AVEN: variants seen among roughly 807,000 people sequenced by gnomAD.
The protein encoded by AVEN is cell death regulator Aven.
A neutral mutation model predicts 38.1 loss-of-function variants in AVEN; 41 were observed. That is an observed-to-expected ratio of 1.08 (90% CI 0.84 to 1.40). The LOEUF (loss-of-function observed/expected upper bound fraction) is 1.40. Ranked by LOEUF, AVEN falls within the 40% of genes most tolerant of loss-of-function variation. The probability of loss-of-function intolerance (pLI) is 0.00; values close to 1 mark genes in which losing one functional copy is unlikely to be tolerated. For synonymous variants in AVEN, 206 were observed against 171.8 expected (o/e 1.20, Z -1.56); for missense variants, 605 against 438.8 (o/e 1.38, Z -3.38).
At chr15:33,868,173 T>C (rs1349253485) in intron 4 of AVEN, among the ~76,000 whole-genome samples, 2 of 152,106 alleles carry the variant, frequency 1.3e-5, no homozygotes, top group African/African-American at 4.8e-5. Flanking sequence ...GCCAGTACCA[T>C]AGGTCTATTT....
At chr15:33,900,627 C>CAAAA (rs34818160) in intron 2 of AVEN, among the ~76,000 whole-genome samples, 7,999 of 148,376 alleles carry the variant, frequency 0.054, 221 homozygotes, top group Non-Finnish European at 0.06. Context: ...TTTTTAAATA[C>CAAAA]AAAAAAAAAA....
chr15:33,957,847 G>A (rs370354905), intron 2 of AVEN, among the ~76,000 whole-genome samples: 2 of 152,148 alleles, frequency 1.3e-5, no homozygotes, highest in Admixed American at 6.5e-5. Context: ...AGGCAAAAAG[G>A]GTGAAGAGGG....
At position 33,967,855 on chromosome 15, in the gene AVEN, A is replaced by G. The variant is rs540631736; in HGVS notation, c.445+35177T>C. ...AATGAAGACCCTGTTAAAAGTTTGT[A>G]TCAAATGAGGACTTATAATGCTTTA... On this transcript the variant is annotated intron_variant, in intron 2 of 5. Coordinates refer to ENST00000306730, the MANE Select transcript of AVEN (RefSeq NM_020371.3). Among the ~76,000 whole-genome samples the G allele has an allele frequency of 2.0e-5, 3 of 151,448 alleles. 1 individual carries two copies. The highest frequency in any genetic ancestry group is 4.4e-5 in the Non-Finnish European group (3 of 67,738).
intron 2 of AVEN, among the ~76,000 whole-genome samples, chr15:33,986,103 TG>T (rs1567449847): frequency 0.043 from 143 of 3,342 alleles, 2 homozygotes; most frequent in East Asian, 0.42. Context: ...TTTTTTTTTT[TG>T]TTTTTTGTTT....
intron 3 of AVEN, chr15:34,066,277 GA>G (rs1174618876): frequency 6.6e-6 from 1 of 152,226 alleles, no homozygotes; most frequent in Non-Finnish European, 1.5e-5. Flanking sequence ...ACCAGCGCCA[GA>G]TAAACAGTTG....
chr15:33,988,660 T>A (rs1896586090), intron 2 of AVEN, among the ~76,000 whole-genome samples: 1 of 152,202 alleles, frequency 6.6e-6, no homozygotes, highest in South Asian at 2.1e-4. Context: ...AGCCTAACCC[T>A]TCTGAGGACA....
At chr15:33,947,439 G>A (rs1894549834) in intron 2 of AVEN, among the ~76,000 whole-genome samples, 1 of 152,194 alleles carries the variant, frequency 6.6e-6, no homozygotes. Flanking sequence ...AGAAACATCT[G>A]TAATACGTAG....
intron 2 of AVEN, among the ~76,000 whole-genome samples, chr15:33,978,490 C>G (rs980455312): frequency 6.6e-6 from 1 of 152,002 alleles, no homozygotes; most frequent in Non-Finnish European, 1.5e-5. Flanking sequence ...ATGGTGAAAC[C>G]CTGTCTCTAC....
At chr15:33,882,805 G>A (rs116244814) in intron 2 of AVEN, among the ~76,000 whole-genome samples, 1 of 152,134 alleles carries the variant, frequency 6.6e-6, no homozygotes, top group Non-Finnish European at 1.5e-5. Context: ...CCAGGAGTTT[G>A]AGGCTGCAGT....
chr15:33,990,266 C>T (rs1055231456), intron 2 of AVEN, among the ~76,000 whole-genome samples: 10 of 151,946 alleles, frequency 6.6e-5, no homozygotes, highest in African/African-American at 2.4e-4. Context: ...CCTATAGTCC[C>T]AGCTACTCAG....
chr15:33,877,674 G>C (rs905977245), intron 2 of AVEN, among the ~76,000 whole-genome samples: 11 of 152,188 alleles, frequency 7.2e-5, no homozygotes, highest in African/African-American at 2.4e-4. Flanking sequence ...AGTTAGACTG[G>C]TCACGGTGTC....
At chr15:33,973,737 G>C (rs1416923004) in intron 2 of AVEN, among the ~76,000 whole-genome samples, 5 of 152,112 alleles carry the variant, frequency 3.3e-5, no homozygotes, top group Non-Finnish European at 7.4e-5. Context: ...TCTGACATAC[G>C]AAATTGCATT....
the AVEN span, chr15:33,853,721 AATAG>A: frequency 1.3e-6 from 2 of 1,598,742 alleles, no homozygotes; most frequent in Non-Finnish European, 1.7e-6. Flanking sequence ...AAGCAGCTAA[AATAG>A]ATAGATCTTT....
At chr15:33,858,128 A>C, downstream of AVEN, 2 of 618,246 alleles carry the variant, frequency 3.2e-6, no homozygotes, top group South Asian at 4.3e-5. Context: ...TCATTACCAC[A>C]CATCTAAGCC....
At chr15:33,930,954 C>CAA (rs61006422) in intron 2 of AVEN, among the ~76,000 whole-genome samples, 1,999 of 111,786 alleles carry the variant, frequency 0.018, 57 homozygotes, top group African/African-American at 0.065. Flanking sequence ...GACTCTGTCT[C>CAA]AAAAAAAAAA....
At chr15:33,881,526 T>A (rs1435319772) in intron 2 of AVEN, among the ~76,000 whole-genome samples, 1 of 152,324 alleles carries the variant, frequency 6.6e-6, no homozygotes, top group South Asian at 2.1e-4. Context: ...AGTAGTAAAC[T>A]TGGTAAAATG....
At chr15:33,859,610 A>C in intron 11 of AVEN, 1 of 1,614,038 alleles carries the variant, frequency 6.2e-7, no homozygotes, top group Middle Eastern at 1.6e-4. Flanking sequence ...GAGTGAGAGC[A>C]GGAGGTGGCA....
Position 33,984,826 on chromosome 15 carries a change from A to G in AVEN, c.445+18206T>C, listed in dbSNP as rs79808901. Reference sequence around the variant, plus strand: ...ATAGGGACCTTTGATGCAGTAAATCACACCCAATAACCACAAATAACAGTT... The same window carrying G: ...ATAGGGACCTTTGATGCAGTAAATCGCACCCAATAACCACAAATAACAGTT... On this transcript the variant is annotated intron_variant, in intron 2 of 5. Transcript: ENST00000306730. 7.2e-3 allele frequency among the ~76,000 whole-genome samples: 1,091 copies of G among 152,272 alleles called. 21 individuals carry two copies. The highest frequency in any genetic ancestry group is 0.042 in the Admixed American group (636 of 15,302).
intron 2 of AVEN, among the ~76,000 whole-genome samples, chr15:33,894,241 C>T (rs1052464161): frequency 6.6e-5 from 10 of 151,948 alleles, no homozygotes; most frequent in African/African-American, 2.2e-4. Flanking sequence ...TGAGCTACTG[C>T]GCCTGACTGA....
Sources: allele counts gnomAD v4.1 joint callset (sites outside exome capture counted in the v4.1 genomes callset), GRCh38; gene constraint gnomAD v4.1.1; transcripts MANE v1.5; gene names NCBI Gene and HGNC (gene_info 2026-07-23, HGNC 2026-07-21).